MYLK: variants seen among roughly 807,000 people sequenced by gnomAD.
The protein encoded by MYLK is myosin light chain kinase, smooth muscle.
In MYLK, 106 loss-of-function variants were observed where a neutral mutation model predicts 203.4. The ratio of observed to expected loss-of-function variants is 0.52; its 90% CI spans 0.45 to 0.61. The LOEUF (loss-of-function observed/expected upper bound fraction) is 0.61. MYLK is among the 20% of genes least tolerant of loss of function. The pLI is 0.00. For missense variants in MYLK, 2,072 were observed against 2,442.3 expected, an observed-to-expected ratio of 0.85 and a Z score of 3.20; for synonymous variants, 867 against 959.5, an observed-to-expected ratio of 0.90 and a Z score of 1.78.
At chr3:123,778,276 G>A (rs1242690816) in intron 4 of MYLK, among the ~76,000 whole-genome samples, 1 of 152,024 alleles carries the variant, frequency 6.6e-6, no homozygotes, top group African/African-American at 2.4e-5. Context: ...ATTTGCACTA[G>A]GGGATTCCTC....
intron 3 of MYLK, among the ~76,000 whole-genome samples, chr3:123,820,436 G>A (rs2109292228): frequency 6.6e-6 from 1 of 152,314 alleles, no homozygotes; most frequent in East Asian, 1.9e-4. Context: ...AGATACAGAA[G>A]CAGTCATGGC....
Position 123,831,623 on chromosome 3 carries a change from A to G in MYLK, c.-79T>C, listed in dbSNP as rs1577089275. On this transcript the variant is annotated 5_prime_UTR_variant, in exon 3 of 34. Transcript: ENST00000360304. Reference sequence around the variant, plus strand: ...AGGCGTCCTGAAGCTCTCGGCTGGGAAGCTCCTGAAGTTGCTCTGAACTGC... The same window carrying G: ...AGGCGTCCTGAAGCTCTCGGCTGGGGAGCTCCTGAAGTTGCTCTGAACTGC... 3.5e-6 allele frequency: 1 copy of G among 288,648 alleles called. No homozygotes were observed. Among genetic ancestry groups the G allele is most frequent in the Non-Finnish European group, 6.7e-6 (1 of 149,300 alleles). The allele number at this position is 288,648 out of a possible 1,614,324, so 17.9% of individuals were successfully genotyped here. A position where few individuals can be genotyped will look rare whatever the true frequency, so the allele number is the denominator to read the frequency against.
At chr3:123,863,126 T>C (rs1219838887) in intron 2 of MYLK, among the ~76,000 whole-genome samples, 1 of 152,118 alleles carries the variant, frequency 6.6e-6, no homozygotes, top group African/African-American at 2.4e-5. Flanking sequence ...ATAAAAACAG[T>C]ACCTAACAAA....
intron 5 of MYLK, among the ~76,000 whole-genome samples, chr3:123,749,993 T>C (rs1172856280): frequency 6.6e-6 from 1 of 152,174 alleles, no homozygotes. Flanking sequence ...GGCTGCTAGG[T>C]TTCCTTTGTA....
chr3:123,643,841 A>G (rs990041204), intron 27 of MYLK, among the ~76,000 whole-genome samples: 1 of 152,254 alleles, frequency 6.6e-6, no homozygotes, highest in Non-Finnish European at 1.5e-5. Flanking sequence ...AGCCAGCTGG[A>G]ACGTTCTTTG....
At chr3:123,671,497 G>A (rs550333023) in intron 20 of MYLK, among the ~76,000 whole-genome samples, 2 of 152,184 alleles carry the variant, frequency 1.3e-5, no homozygotes, top group African/African-American at 4.8e-5. Context: ...CAAGGGTAGA[G>A]GACAGATGCT....
In MYLK at chr3:123,700,726, G is replaced by A. The variant is rs3732487; in HGVS notation, c.2742C>T (p.Asp914=). 9.9e-6 allele frequency: 16 copies of A among 1,613,998 alleles called. No individual in the cohort carries two copies. The highest frequency in any genetic ancestry group is 3.3e-4 in the Middle Eastern group (2 of 6,062). ...TCTGCTCGGCTGGGATCTCCTTCAGGTCGTCTTCCGATAGGGTCTTTGTAC... is the reference window on the plus strand; with the variant it reads ...TCTGCTCGGCTGGGATCTCCTTCAGATCGTCTTCCGATAGGGTCTTTGTAC... ...KVSTKTLSED[D]LKEIPAEQMD... is the part of the protein sequence containing the mutation. Residue 914 remains aspartate, a synonymous_variant, in exon 18 of 34, where the codon GAC becomes GAT. Transcript: ENST00000360304.
Position 123,677,918 on chromosome 3 carries a change from T to TATATATATATATACAC in MYLK, c.3652+4305_3652+4306insGTGTATATATATATAT, listed in dbSNP as rs1273803739. On this transcript the variant is annotated intron_variant, in intron 20 of 33. Transcript: ENST00000360304. ...ATATATATATATATATATATATATA[T>TATATATATATATACAC]ACACACACACACACACAGAGTACAT... is the stretch of plus-strand genomic sequence containing the variant. 9.8e-4 allele frequency among the ~76,000 whole-genome samples: 77 copies of TATATATATATATACAC among 78,824 alleles called. 1 individual carries two copies. The East Asian group carries it at 0.024, about 25-fold the overall frequency. 51.7% of individuals were successfully genotyped at this position (78,824 alleles called of 152,430 possible).
intron 19 of MYLK, among the ~76,000 whole-genome samples, chr3:123,686,959 C>T (rs1054982049): frequency 2.0e-5 from 3 of 152,286 alleles, no homozygotes; most frequent in South Asian, 2.1e-4. Context: ...CGGTAGCTCA[C>T]GCCTGTAATC....
rs2059054614 is a variant in MYLK at position 123,647,303 on chromosome 3, T to C, written c.4540A>G (p.Asn1514Asp). The C allele has an allele frequency of 1.9e-6, 3 of 1,614,114 alleles. No individual in the cohort carries two copies. The Admixed American group carries it at 5.0e-5, about 27-fold the overall frequency. ...ENIRQEISIM[N>D]CLHHPKLVQC... ...ACCAGCTTAGGGTGGTGGAGGCAGT[T>C]CATGATGCTAATCTCCTGCCGGATA... Residue 1514 changes from asparagine to aspartate, a missense_variant, in exon 27 of 34, where the codon AAC becomes GAC. By Grantham distance (23) the Asn-to-Asp change is conservative (BLOSUM62 1). Transcript: ENST00000360304.
chr3:123,762,653 G>A (rs1216671463), intron 4 of MYLK, among the ~76,000 whole-genome samples: 1 of 152,224 alleles, frequency 6.6e-6, no homozygotes, highest in African/African-American at 2.4e-5. Flanking sequence ...TGGCTCAGGT[G>A]TGGCTCACGA....
At chr3:123,840,369 ATTATATATAT>A (rs2066561118) in intron 2 of MYLK, among the ~76,000 whole-genome samples, 1 of 38,292 alleles carries the variant, frequency 2.6e-5, no homozygotes, top group Non-Finnish European at 4.3e-5. Flanking sequence ...TCCTACAGAC[ATTATATATAT>A]ATATATATAT....
At chr3:123,875,850 T>A (rs2033116453) in intron 2 of MYLK, among the ~76,000 whole-genome samples, 1 of 152,204 alleles carries the variant, frequency 6.6e-6, no homozygotes, top group Admixed American at 6.5e-5. Flanking sequence ...TGTGACTGAT[T>A]TATGTGCAAC....
chr3:123,761,402 G>C (rs1369817165), intron 4 of MYLK, among the ~76,000 whole-genome samples: 1 of 152,178 alleles, frequency 6.6e-6, no homozygotes, highest in Non-Finnish European at 1.5e-5. Flanking sequence ...CACAAAGCAT[G>C]CATTCTGCTC....
At chr3:123,632,920 T>G (rs1051341112) in intron 29 of MYLK, among the ~76,000 whole-genome samples, 2 of 151,460 alleles carry the variant, frequency 1.3e-5, no homozygotes, top group Non-Finnish European at 2.9e-5. Flanking sequence ...CTCAGTCTCC[T>G]GAGTAGCTGG....
chr3:123,752,381 G>C lies in MYLK; in HGVS notation c.323C>G (p.Ala108Gly), dbSNP rs1481405340. The change falls in exon 5 of 34, where the codon GCC (alanine) becomes GGC (glycine). Residue 108 changes from alanine (A) to glycine (G), a missense_variant. Ala to Gly is a moderately conservative substitution (Grantham distance 60). Coordinates refer to ENST00000360304, the MANE Select transcript of MYLK (RefSeq NM_053025.4). Reference sequence around the variant, plus strand: ...CTGGCGAGCACCACTGCCATTGGTGGCTTCACAGGTATACTTTCCCCTGTC... The same window carrying C: ...CTGGCGAGCACCACTGCCATTGGTGCCTTCACAGGTATACTTTCCCCTGTC... ...EEDRGKYTCE[A>G]TNGSGARQVT... The C allele has an allele frequency of 1.2e-6, 2 of 1,614,146 alleles. No individual in the cohort carries two copies. Among genetic ancestry groups the C allele is most frequent in the Non-Finnish European group, 8.5e-7 (1 of 1,180,016 alleles).
Position 123,732,877 on chromosome 3 carries a change from C to G in MYLK, c.1516+19G>C, listed in dbSNP as rs2062531508. The G allele has an allele frequency of 6.2e-7, 1 of 1,611,292 alleles. No homozygotes were observed. Among genetic ancestry groups the G allele is most frequent in the Non-Finnish European group, 8.5e-7 (1 of 1,178,214 alleles). ...TTGTCCCACAGAGAATGCGGGGTGA[C>G]CTGGAGAAGTGTACTCACTTTCCAC... On this transcript the variant is annotated intron_variant, in intron 11 of 33. Coordinates refer to ENST00000360304, the MANE Select transcript of MYLK (RefSeq NM_053025.4).
chr3:123,877,489 G>A (rs779285828), intron 1 of MYLK, among the ~76,000 whole-genome samples: 1 of 152,178 alleles, frequency 6.6e-6, no homozygotes, highest in Non-Finnish European at 1.5e-5. Context: ...CTCTGCCTGG[G>A]ATAATCAGCA....
chr3:123,655,478 C>G (rs2059364226), intron 24 of MYLK, among the ~76,000 whole-genome samples: 1 of 152,198 alleles, frequency 6.6e-6, no homozygotes, highest in African/African-American at 2.4e-5. Flanking sequence ...TAGCTTAAAC[C>G]TTTCTCCTGG....
Sources: gnomAD v4.1 joint callset for allele counts (sites outside exome capture counted in the v4.1 genomes callset) on GRCh38, gnomAD v4.1.1 for gene constraint, MANE v1.5 for transcripts, NCBI Gene and HGNC (gene_info 2026-07-23, HGNC 2026-07-21) for gene names.